CACNB4: variants seen among roughly 807,000 people sequenced by gnomAD.
CACNB4 encodes the protein calcium voltage-gated channel auxiliary subunit beta 4, also known as voltage-dependent L-type calcium channel subunit beta-4.
Under a neutral mutation model 71.2 loss-of-function variants are expected in CACNB4, and 32 were observed. That is an observed-to-expected ratio of 0.45 (90% CI 0.34 to 0.60). CACNB4 has a LOEUF of 0.60. CACNB4 is among the 20% of genes least tolerant of loss of function. The probability of loss-of-function intolerance (pLI) is 0.01; values close to 1 mark genes in which losing one functional copy is unlikely to be tolerated. For missense variants in CACNB4, 464 were observed against 647.9 expected, an observed-to-expected ratio of 0.72 and a Z score of 3.08; for synonymous variants, 231 against 236.9, an observed-to-expected ratio of 0.97 and a Z score of 0.23.
In CACNB4 at chr2:151,860,730, C is replaced by T. The variant is rs776543367; in HGVS notation, c.849G>A (p.Ser283=). Residue 283 remains serine, a synonymous_variant, in exon 10 of 14, where the codon TCG becomes TCA. Transcript: ENST00000539935. The part of the protein sequence containing the change: ...NPSKRAIIER[S]NTRSSLAEVQ... ...TCTTACCTAAGCTGGACCGGGTGTT[C>T]GAACGTTCAATTATTGCTCTCTTGC... 5.6e-6 allele frequency: 9 copies of T among 1,612,560 alleles called. No homozygotes were observed. Among genetic ancestry groups the T allele is most frequent in the Admixed American group, 5.0e-5 (3 of 59,982 alleles).
intron 2 of CACNB4, among the ~76,000 whole-genome samples, chr2:151,902,474 C>T (rs1219696566): frequency 6.6e-6 from 1 of 152,158 alleles, no homozygotes; most frequent in Non-Finnish European, 1.5e-5. Flanking sequence ...GCTGAGTCTA[C>T]TTATACCTAA....
Position 152,051,063 on chromosome 2 carries a change from C to T in CACNB4, c.147+47267G>A, listed in dbSNP as rs1488095927. On this transcript the variant is annotated intron_variant, in intron 2 of 13. Transcript: ENST00000539935. ...GATTACAGATGTGAGCCGCTGGGCCCAGCCCACATCCACTTTTTCTAAAAC... is the reference window on the plus strand; with the variant it reads ...GATTACAGATGTGAGCCGCTGGGCCTAGCCCACATCCACTTTTTCTAAAAC... 3.3e-5 allele frequency among the ~76,000 whole-genome samples: 5 copies of T among 152,106 alleles called. No homozygotes were observed. In the East Asian group the frequency reaches 9.7e-4, roughly 30 times the overall value.
chr2:151,924,280 G>C (rs938250205), intron 2 of CACNB4, among the ~76,000 whole-genome samples: 1 of 151,150 alleles, frequency 6.6e-6, no homozygotes, highest in African/African-American at 2.4e-5. Context: ...GGGTTTCACC[G>C]TGTTAGCCAG....
intron 2 of CACNB4, among the ~76,000 whole-genome samples, chr2:151,992,753 T>C (rs1681781013): frequency 6.6e-6 from 1 of 152,306 alleles, no homozygotes; most frequent in Non-Finnish European, 1.5e-5. Context: ...TCATTCCAAC[T>C]GGGACCCATT....
intron 2 of CACNB4, among the ~76,000 whole-genome samples, chr2:152,077,660 G>A (rs993748481): frequency 6.6e-6 from 1 of 152,166 alleles, no homozygotes. Context: ...GAACCTGAGA[G>A]GCGGAGATTG....
At chr2:151,895,985 T>C (rs554684276) in intron 2 of CACNB4, among the ~76,000 whole-genome samples, 45 of 152,182 alleles carry the variant, frequency 3.0e-4, no homozygotes, top group African/African-American at 1.0e-3. Flanking sequence ...GTTGGAATTA[T>C]AGGTGCATGC....
chr2:152,007,737 G>A lies in CACNB4; in HGVS notation c.147+90593C>T, dbSNP rs539267078. On this transcript the variant is annotated intron_variant, in intron 2 of 13. Coordinates refer to ENST00000539935, the MANE Select transcript of CACNB4 (RefSeq NM_000726.5). ...TTCAGTCCTTATGGGCATATATTCA[G>A]AAGTGGAATTGCTGGATCATATGGT... Among the ~76,000 whole-genome samples the A allele has an allele frequency of 3.3e-5, 5 of 152,084 alleles. No individual in the cohort carries two copies. In the South Asian group the frequency reaches 1.0e-3, roughly 32 times the overall value.
intron 2 of CACNB4, among the ~76,000 whole-genome samples, chr2:151,947,593 C>T (rs1381351001): frequency 6.6e-6 from 1 of 152,076 alleles, no homozygotes; most frequent in Non-Finnish European, 1.5e-5. Context: ...TTTTCAAAAG[C>T]GCTGCCAGAA....
At chr2:152,038,500 A>G (rs1579180481) in intron 2 of CACNB4, among the ~76,000 whole-genome samples, 1 of 152,180 alleles carries the variant, frequency 6.6e-6, no homozygotes, top group South Asian at 2.1e-4. Flanking sequence ...CTTCTACCTC[A>G]GCACCGAGTC....
At chr2:152,024,137 T>C (rs1683834670) in intron 2 of CACNB4, among the ~76,000 whole-genome samples, 1 of 152,114 alleles carries the variant, frequency 6.6e-6, no homozygotes, top group South Asian at 2.1e-4. Flanking sequence ...CTGGGTAATA[T>C]AATGAGACCT....
In CACNB4 at chr2:151,835,935, A is replaced by G. The variant is rs2099834800; in HGVS notation, c.*3184T>C. 1 of 151,886 alleles carries G rather than the reference A, an allele frequency of 6.6e-6. No individual in the cohort carries two copies. Among genetic ancestry groups the G allele is most frequent in the South Asian group, 2.1e-4 (1 of 4,828 alleles). The allele number at this position is 151,886 out of a possible 1,614,324, so 9.4% of individuals were successfully genotyped here. ...ACTAACTGCAATGACTTATATAGTC[A>G]CAAAATTAAGACTCTTATTAGGAAA... is the stretch of plus-strand genomic sequence containing the variant. On this transcript the variant is annotated 3_prime_UTR_variant, in exon 14 of 14. Coordinates refer to ENST00000539935, the MANE Select transcript of CACNB4 (RefSeq NM_000726.5).
chr2:152,069,837 CTT>C (rs70974819), intron 2 of CACNB4, among the ~76,000 whole-genome samples: 106 of 98,696 alleles, frequency 1.1e-3, no homozygotes, highest in African/African-American at 2.5e-3. Context: ...CTTCATCAAT[CTT>C]TTTTTTTTTT....
chr2:151,942,902 C>A (rs188665931), intron 2 of CACNB4, among the ~76,000 whole-genome samples: 1 of 152,134 alleles, frequency 6.6e-6, no homozygotes, highest in Non-Finnish European at 1.5e-5. Context: ...ACAATATGTG[C>A]ACTGCTGAAC....
At position 151,958,279 on chromosome 2, in the gene CACNB4, G is replaced by T. The variant is rs575706952; in HGVS notation, c.148-74909C>A. On this transcript the variant is annotated intron_variant, in intron 2 of 13. Coordinates refer to ENST00000539935, the MANE Select transcript of CACNB4 (RefSeq NM_000726.5). Reference sequence around the variant, plus strand: ...TATAGTTTCCAAACATGGCATAATAGGGTATATGAGGATAGGTACAGGCCC... The same window carrying T: ...TATAGTTTCCAAACATGGCATAATATGGTATATGAGGATAGGTACAGGCCC... Among the ~76,000 whole-genome samples, 9 of 152,306 alleles carry T rather than the reference G, an allele frequency of 5.9e-5. No homozygotes were observed. In the East Asian group the frequency reaches 1.7e-3, roughly 29 times the overall value.
rs1379876210 is a variant in CACNB4 at position 151,949,831 on chromosome 2, T to G, written c.148-66461A>C. Among the ~76,000 whole-genome samples, 3 of 152,092 alleles carry G rather than the reference T, an allele frequency of 2.0e-5. No homozygotes were observed. The East Asian group carries it at 5.8e-4, about 29-fold the overall frequency. ...TGGGAGGCTGAGGCGGTGGATCACTTAAGGTCAGGAGTTCGAGACCAACAT... is the reference window on the plus strand; with the variant it reads ...TGGGAGGCTGAGGCGGTGGATCACTGAAGGTCAGGAGTTCGAGACCAACAT... On this transcript the variant is annotated intron_variant, in intron 2 of 13. Coordinates refer to ENST00000539935, the MANE Select transcript of CACNB4 (RefSeq NM_000726.5).
intron 2 of CACNB4, among the ~76,000 whole-genome samples, chr2:152,019,197 T>A (rs955196283): frequency 6.6e-6 from 1 of 152,206 alleles, no homozygotes; most frequent in Non-Finnish European, 1.5e-5. Context: ...TCAGGACAGT[T>A]ACCCAGATAG....
At chr2:152,049,843 C>A (rs1685327545) in intron 2 of CACNB4, among the ~76,000 whole-genome samples, 1 of 152,220 alleles carries the variant, frequency 6.6e-6, no homozygotes, top group South Asian at 2.1e-4. Context: ...CCATTTTATT[C>A]CTTTTAGAGC....
At chr2:151,946,736 T>C (rs1252337500) in intron 2 of CACNB4, among the ~76,000 whole-genome samples, 4 of 152,036 alleles carry the variant, frequency 2.6e-5, no homozygotes, top group Non-Finnish European at 5.9e-5. Context: ...GGCCAGCATG[T>C]CCCATGGGGA....
intron 2 of CACNB4, among the ~76,000 whole-genome samples, chr2:152,080,142 G>A (rs1293087735): frequency 6.7e-6 from 1 of 149,134 alleles, no homozygotes; most frequent in African/African-American, 2.5e-5. Context: ...TTTTTTTTGA[G>A]GCGGAGTCTC....
Sources: allele counts gnomAD v4.1 joint callset (sites outside exome capture counted in the v4.1 genomes callset), GRCh38; gene constraint gnomAD v4.1.1; transcripts MANE v1.5; gene names NCBI Gene and HGNC (gene_info 2026-07-23, HGNC 2026-07-21).